The following NDUFAF2 variants were observed in gnomAD, a reference collection of about 807,000 sequenced individuals.
The protein encoded by NDUFAF2 is NADH dehydrogenase [ubiquinone] 1 alpha subcomplex assembly factor 2.
In NDUFAF2, 13 loss-of-function variants were observed where a neutral mutation model predicts 22.8. The observed-to-expected ratio is 0.57, with a 90% confidence interval of 0.37 to 0.91. NDUFAF2 has a LOEUF of 0.91. Among genes scored for constraint, NDUFAF2 ranks in the 40% least tolerant of loss-of-function variants. NDUFAF2 has a pLI of 0.01. For synonymous variants in NDUFAF2, 53 were observed against 64.2 expected (o/e 0.83, Z 0.84); for missense variants, 162 against 195.2 (o/e 0.83, Z 1.01).
chr5:60,959,621 A>G (rs1255532771), intron 1 of NDUFAF2, among the ~76,000 whole-genome samples: 1 of 152,086 alleles, frequency 6.6e-6, no homozygotes, highest in Non-Finnish European at 1.5e-5. Context: ...AGATTGATAG[A>G]ATATCCTAAA....
chr5:60,976,867 A>C (rs1014057413), intron 1 of NDUFAF2, among the ~76,000 whole-genome samples: 2 of 152,182 alleles, frequency 1.3e-5, no homozygotes, highest in African/African-American at 4.8e-5. Flanking sequence ...AGAAGGAGAA[A>C]TGAGCAGTAC....
chr5:60,945,234 C>T lies in NDUFAF2; in HGVS notation c.-22C>T. 2 of 1,611,006 alleles carry T rather than the reference C, an allele frequency of 1.2e-6. No individual in the cohort carries two copies. Among genetic ancestry groups the T allele is most frequent in the Non-Finnish European group, 8.5e-7 (1 of 1,179,266 alleles). ...CTACTGCGGGTCCCGCTGCTGGCAG[C>T]GCTGGAAACTGGGTGGACGGCATGG... On this transcript the variant is annotated 5_prime_UTR_variant, in exon 1 of 4. Coordinates refer to ENST00000296597, the MANE Select transcript of NDUFAF2 (RefSeq NM_174889.5).
intron 3 of NDUFAF2, among the ~76,000 whole-genome samples, chr5:61,147,109 A>T (rs1472360494): frequency 1.3e-5 from 2 of 152,078 alleles, no homozygotes. Context: ...GTTTTTAGTC[A>T]TCCTTTCGTC....
At chr5:61,104,437 C>T (rs1461554814) in intron 3 of NDUFAF2, among the ~76,000 whole-genome samples, 1 of 151,884 alleles carries the variant, frequency 6.6e-6, no homozygotes, top group Non-Finnish European at 1.5e-5. Context: ...TAGAGTTCAG[C>T]CTACTTCATT....
chr5:60,995,504 C>T (rs1281667739), intron 1 of NDUFAF2, among the ~76,000 whole-genome samples: 1 of 152,204 alleles, frequency 6.6e-6, no homozygotes, highest in African/African-American at 2.4e-5. Context: ...GACTCTTGTA[C>T]TCTTCTCTTT....
intron 1 of NDUFAF2, among the ~76,000 whole-genome samples, chr5:60,959,715 A>G (rs1561527513): frequency 6.6e-6 from 1 of 152,120 alleles, no homozygotes; most frequent in Admixed American, 6.5e-5. Context: ...TTTGTTGACT[A>G]TAAAATAGTA....
chr5:61,148,429 T>C (rs983995377), intron 3 of NDUFAF2, among the ~76,000 whole-genome samples: 3 of 152,218 alleles, frequency 2.0e-5, no homozygotes, highest in African/African-American at 7.2e-5. Flanking sequence ...TACCTCTTAC[T>C]AACATCTCTA....
chr5:61,090,011 A>G (rs1210105230), intron 2 of NDUFAF2, among the ~76,000 whole-genome samples: 1 of 151,978 alleles, frequency 6.6e-6, no homozygotes, highest in Non-Finnish European at 1.5e-5. Context: ...CATGGTGACG[A>G]TAAGTGTGCA....
At chr5:60,951,265 A>G (rs1178218848) in intron 1 of NDUFAF2, among the ~76,000 whole-genome samples, 1 of 152,194 alleles carries the variant, frequency 6.6e-6, no homozygotes, top group Non-Finnish European at 1.5e-5. Context: ...TCCTTACCTC[A>G]GATGATCTGC....
intron 1 of NDUFAF2, among the ~76,000 whole-genome samples, chr5:61,024,154 T>C (rs940760667): frequency 6.6e-6 from 1 of 151,972 alleles, no homozygotes; most frequent in East Asian, 1.9e-4. Context: ...GAATTTTCTG[T>C]TTTTTTTAAC....
At chr5:60,962,917 G>A (rs188945171) in intron 1 of NDUFAF2, among the ~76,000 whole-genome samples, 7 of 152,028 alleles carry the variant, frequency 4.6e-5, no homozygotes, top group Non-Finnish European at 1.5e-5. Context: ...ACAGAGTCCT[G>A]CTCTATAGCC....
Position 61,103,442 on chromosome 5 carries a change from G to A in NDUFAF2, c.258+4410G>A, listed in dbSNP as rs564909831. On this transcript the variant is annotated intron_variant, in intron 3 of 3. Coordinates refer to ENST00000296597, the MANE Select transcript of NDUFAF2 (RefSeq NM_174889.5). ...TGATAGAGCTAATCACTACTTTCTC[G>A]GTATAACTACACTGCTGTGTACTCC... is the stretch of plus-strand genomic sequence containing the variant. 4.0e-5 allele frequency among the ~76,000 whole-genome samples: 6 copies of A among 151,206 alleles called. No homozygotes were observed. In the South Asian group the frequency reaches 6.3e-4, roughly 16 times the overall value.
At chr5:60,971,629 C>CA (rs1283845222) in intron 1 of NDUFAF2, among the ~76,000 whole-genome samples, 6 of 141,286 alleles carry the variant, frequency 4.2e-5, no homozygotes, top group Non-Finnish European at 9.2e-5. Context: ...AACCCCATGA[C>CA]AGGCCCCGGT....
At chr5:60,965,103 C>T (rs537285802) in intron 1 of NDUFAF2, among the ~76,000 whole-genome samples, 4 of 152,180 alleles carry the variant, frequency 2.6e-5, no homozygotes, top group East Asian at 1.9e-4. Context: ...CAGGTTTTTC[C>T]GATTTTTCAA....
intron 3 of NDUFAF2, among the ~76,000 whole-genome samples, chr5:61,108,886 G>A (rs911391239): frequency 1.3e-5 from 2 of 152,084 alleles, no homozygotes; most frequent in Non-Finnish European, 1.5e-5. Context: ...TTTATGCCAG[G>A]TATTGTGATT....
intron 1 of NDUFAF2, among the ~76,000 whole-genome samples, chr5:61,070,582 T>G (rs1314346289): frequency 7.0e-6 from 1 of 143,436 alleles, no homozygotes; most frequent in Non-Finnish European, 1.5e-5. Context: ...TTAATTACTC[T>G]TCCTGTCTTT....
At chr5:60,948,281 G>A (rs538572979) in intron 1 of NDUFAF2, among the ~76,000 whole-genome samples, 310 of 152,268 alleles carry the variant, frequency 2.0e-3, no homozygotes, top group African/African-American at 7.1e-3. Context: ...GTGCAGTGGC[G>A]CTATCTCGGC....
At chr5:61,011,019 G>A (rs1241427249) in intron 1 of NDUFAF2, among the ~76,000 whole-genome samples, 1 of 152,104 alleles carries the variant, frequency 6.6e-6, no homozygotes, top group East Asian at 1.9e-4. Context: ...GATAGAAGGA[G>A]CCTGAATCCC....
intron 1 of NDUFAF2, among the ~76,000 whole-genome samples, chr5:60,985,576 G>A (rs550770959): frequency 6.6e-6 from 1 of 152,250 alleles, no homozygotes; most frequent in Non-Finnish European, 1.5e-5. Flanking sequence ...ATGTGTCCTG[G>A]AGATTCTGGT....
Sources: allele counts gnomAD v4.1 joint callset (sites outside exome capture counted in the v4.1 genomes callset), GRCh38; gene constraint gnomAD v4.1.1; transcripts MANE v1.5; gene names NCBI Gene and HGNC (gene_info 2026-07-23, HGNC 2026-07-21).